SLC14A2: variants seen among roughly 807,000 people sequenced by gnomAD.
The protein encoded by SLC14A2 is solute carrier family 14 member 2.
Under a neutral mutation model 104.6 loss-of-function variants are expected in SLC14A2, and 91 were observed. The ratio of observed to expected loss-of-function variants is 0.87; its 90% CI spans 0.73 to 1.04. The LOEUF is 1.04. Ranked by LOEUF, SLC14A2 falls within the 50% of genes least tolerant of loss-of-function variation. The probability of loss-of-function intolerance (pLI) is 0.00; values close to 1 mark genes in which losing one functional copy is unlikely to be tolerated. For synonymous variants in SLC14A2, 476 were observed against 466.4 expected (o/e 1.02, Z -0.27); for missense variants, 1,189 against 1,156.0 (o/e 1.03, Z -0.41).
At chr18:45,252,841 A>G (rs1456492110) in intron 1 of SLC14A2, among the ~76,000 whole-genome samples, 1 of 147,058 alleles carries the variant, frequency 6.8e-6, no homozygotes, top group Non-Finnish European at 1.5e-5. Flanking sequence ...GAGAGAGGTC[A>G]TAGGAATTAA....
intron 1 of SLC14A2, among the ~76,000 whole-genome samples, chr18:45,285,713 C>G (rs941787257): frequency 2.7e-5 from 4 of 147,038 alleles, no homozygotes; most frequent in Non-Finnish European, 6.0e-5. Context: ...ACGTGAGCCA[C>G]TGCGCCCAGC....
intron 1 of SLC14A2, among the ~76,000 whole-genome samples, chr18:45,456,533 G>A (rs927206871): frequency 1.3e-5 from 2 of 152,204 alleles, no homozygotes; most frequent in Non-Finnish European, 2.9e-5. Context: ...GCTCCTCCAT[G>A]GTGAAGACAC....
At chr18:45,578,924 C>G (rs2144354830) in intron 2 of SLC14A2, among the ~76,000 whole-genome samples, 1 of 152,332 alleles carries the variant, frequency 6.6e-6, no homozygotes, top group South Asian at 2.1e-4. Flanking sequence ...CTGTGGGCAG[C>G]TAGAAGGTCA....
chr18:45,219,415 C>T (rs773393270), intron 1 of SLC14A2, among the ~76,000 whole-genome samples: 1 of 152,090 alleles, frequency 6.6e-6, no homozygotes, highest in Non-Finnish European at 1.5e-5. Context: ...GCAGTTAAGT[C>T]CTTTGTTAGA....
intron 1 of SLC14A2, among the ~76,000 whole-genome samples, chr18:45,619,929 C>T (rs561310022): frequency 6.6e-6 from 1 of 152,220 alleles, no homozygotes; most frequent in Non-Finnish European, 1.5e-5. Flanking sequence ...GAGAAGCCTA[C>T]GTTGCCCTTC....
chr18:45,671,488 G>A (rs780127020), intron 16 of SLC14A2, among the ~76,000 whole-genome samples: 17 of 152,060 alleles, frequency 1.1e-4, no homozygotes, highest in East Asian at 3.9e-4. Context: ...GAGTCCCCAC[G>A]GCTTCCTCTG....
intron 1 of SLC14A2, among the ~76,000 whole-genome samples, chr18:45,438,636 AT>A (rs1252158447): frequency 1.3e-5 from 2 of 152,222 alleles, no homozygotes; most frequent in Non-Finnish European, 2.9e-5. Flanking sequence ...AAACAATTCC[AT>A]TTCTACTCAA....
At chr18:45,403,841 T>A (rs1382131459) in intron 1 of SLC14A2, among the ~76,000 whole-genome samples, 1 of 152,136 alleles carries the variant, frequency 6.6e-6, no homozygotes, top group Non-Finnish European at 1.5e-5. Context: ...CTGCTTAAGA[T>A]GCCTCAGTGA....
intron 17 of SLC14A2, 96 bp from the exon 18 acceptor site, chr18:45,673,587 T>C: frequency 7.3e-7 from 1 of 1,367,916 alleles, no homozygotes; most frequent in Non-Finnish European, 1.0e-6. Flanking sequence ...AGAAGATAAC[T>C]GGCTCCGGGC....
At chr18:45,667,505 G>A (rs2046046102) in intron 13 of SLC14A2, among the ~76,000 whole-genome samples, 1 of 152,156 alleles carries the variant, frequency 6.6e-6, no homozygotes, top group Non-Finnish European at 1.5e-5. Context: ...CAGCCCATGG[G>A]TTTAATGCCC....
At chr18:45,354,420 G>A (rs1017357250) in intron 1 of SLC14A2, among the ~76,000 whole-genome samples, 12 of 152,162 alleles carry the variant, frequency 7.9e-5, no homozygotes, top group Non-Finnish European at 1.0e-4. Context: ...CCATTCCTCC[G>A]CTCACTACTT....
At chr18:45,480,049 T>C (rs972254114) in intron 1 of SLC14A2, among the ~76,000 whole-genome samples, 1 of 152,172 alleles carries the variant, frequency 6.6e-6, no homozygotes, top group Non-Finnish European at 1.5e-5. Flanking sequence ...TCTCTCTGCT[T>C]TCCATTTCAA....
intron 1 of SLC14A2, among the ~76,000 whole-genome samples, chr18:45,379,718 T>C (rs563927723): frequency 6.6e-6 from 1 of 152,350 alleles, no homozygotes; most frequent in African/African-American, 2.4e-5. Flanking sequence ...AAGTGTGGGA[T>C]TATTTTAAGC....
Position 45,529,077 on chromosome 18 carries a change from T to C in SLC14A2, c.-35+45755T>C, listed in dbSNP as rs1459681630. Reference sequence around the variant, plus strand: ...AGCCCTACCATCAGCTGAATGCAGCTAAGTGACCTGAGGGAACAAAAGAGC... The same window carrying C: ...AGCCCTACCATCAGCTGAATGCAGCCAAGTGACCTGAGGGAACAAAAGAGC... On this transcript the variant is annotated intron_variant, in intron 2 of 20. Coordinates refer to the SLC14A2 transcript ENST00000586448. 6.6e-5 allele frequency: 10 copies of C among 152,206 alleles called. No individual in the cohort carries two copies. In the East Asian group the frequency reaches 1.9e-3, roughly 29 times the overall value. The allele number at this position is 152,206 out of a possible 1,614,324, so 9.4% of individuals were successfully genotyped here. A position where few individuals can be genotyped will look rare whatever the true frequency, so the allele number is the denominator to read the frequency against.
chr18:45,644,018 C>T lies in SLC14A2; in HGVS notation c.1209C>T (p.Cys403=). Residue 403 remains cysteine, a synonymous_variant, in exon 10 of 20, where the codon TGC becomes TGT. Coordinates refer to ENST00000255226, the MANE Select transcript of SLC14A2 (RefSeq NM_007163.4). ...TGCCACCAGGCACCTGGGCCTTCTG[C>T]CTTGCCACCATCATCTTCCTGCTCC... ...VGVPPGTWAF[C]LATIIFLLLT... 1 of 1,614,204 alleles carries T rather than the reference C, an allele frequency of 6.2e-7. No homozygotes were observed.
At chr18:45,331,690 CA>C (rs11348476) in intron 1 of SLC14A2, among the ~76,000 whole-genome samples, 3,135 of 87,336 alleles carry the variant, frequency 0.036, 74 homozygotes, top group African/African-American at 0.1. Context: ...GACTCCGTCT[CA>C]AAAAAAAAAA....
intron 1 of SLC14A2, among the ~76,000 whole-genome samples, chr18:45,273,605 A>G (rs1038805689): frequency 1.6e-4 from 24 of 152,140 alleles, no homozygotes; most frequent in Non-Finnish European, 5.9e-5. Flanking sequence ...AGGAGTGGCC[A>G]AGAGGAGAAG....
intron 2 of SLC14A2, among the ~76,000 whole-genome samples, chr18:45,563,351 A>G (rs2044227795): frequency 1.3e-5 from 2 of 152,274 alleles, no homozygotes; most frequent in Non-Finnish European, 2.9e-5. Context: ...ACATAAGGGC[A>G]GACCAGTGTT....
intron 5 of SLC14A2, among the ~76,000 whole-genome samples, chr18:45,635,987 C>T (rs917856066): frequency 6.6e-6 from 1 of 152,100 alleles, no homozygotes; most frequent in South Asian, 2.1e-4. Flanking sequence ...GCTGGGAAAA[C>T]AAGCCTTTCT....
Sources: gnomAD v4.1 joint callset for allele counts (sites outside exome capture counted in the v4.1 genomes callset) on GRCh38, gnomAD v4.1.1 for gene constraint, MANE v1.5 for transcripts, NCBI Gene and HGNC (gene_info 2026-07-23, HGNC 2026-07-21) for gene names.